The following LATS1 variants were observed in gnomAD, a reference collection of about 807,000 sequenced individuals.
LATS1 encodes serine/threonine-protein kinase LATS1.
A neutral mutation model predicts 106.6 loss-of-function variants in LATS1; 25 were observed. The ratio of observed to expected loss-of-function variants is 0.23; its 90% CI spans 0.17 to 0.33. The LOEUF (loss-of-function observed/expected upper bound fraction) is 0.33. Among genes scored for constraint, LATS1 ranks in the 10% least tolerant of loss-of-function variants. LATS1 has a pLI of 1.00. For missense variants in LATS1, 1,040 were observed against 1,382.6 expected (o/e 0.75, Z 3.93); for synonymous variants, 465 against 455.6 (o/e 1.02, Z -0.26).
At chr6:149,701,639 A>C in intron 2 of LATS1, 140 bp downstream of exon 2, 2 of 559,564 alleles carry the variant, frequency 3.6e-6, no homozygotes. Context: ...TAAACGTAAC[A>C]TTCTTTGCTG....
intron 3 of LATS1, among the ~76,000 whole-genome samples, chr6:149,689,353 G>C (rs1275614112): frequency 6.6e-6 from 1 of 150,862 alleles, no homozygotes; most frequent in Non-Finnish European, 1.5e-5. Flanking sequence ...GGTAGAGGAG[G>C]AGTACGCTCT....
chr6:149,666,687 A>T (rs1398288547), intron 7 of LATS1, among the ~76,000 whole-genome samples: 1 of 151,834 alleles, frequency 6.6e-6, no homozygotes, highest in African/African-American at 2.4e-5. Context: ...TCACGCCTGT[A>T]ATCCCAGCAC....
At chr6:149,668,443 A>ATT (rs199871796) in intron 7 of LATS1, among the ~76,000 whole-genome samples, 2,089 of 146,148 alleles carry the variant, frequency 0.014, 70 homozygotes, top group African/African-American at 0.05. Flanking sequence ...TCTCATCTTG[A>ATT]TTTTTTTTTT....
chr6:149,673,406 T>C (rs946732102), intron 7 of LATS1, among the ~76,000 whole-genome samples: 4 of 151,790 alleles, frequency 2.6e-5, no homozygotes, highest in African/African-American at 9.7e-5. Context: ...GCCCTTTTAT[T>C]TCTTTTCATT....
In LATS1 at chr6:149,662,144, T is replaced by C; in HGVS notation, c.2978A>G (p.Glu993Gly). 6.2e-7 allele frequency: 1 copy of C among 1,614,130 alleles called. No homozygotes were observed. Among genetic ancestry groups the C allele is most frequent in the Non-Finnish European group, 8.5e-7 (1 of 1,180,028 alleles). Residue 993 changes from glutamate (E) to glycine (G), a missense_variant, in exon 8 of 8, where the codon GAA (glutamate) becomes GGA (glycine). Physicochemically the swap from Glu to Gly is moderately conservative, Grantham distance 98. Around this residue, in one of 7 missense-constraint regions of LATS1, gnomAD observed 113 missense variants for 146.3 expected, o/e 0.77. Transcript: ENST00000543571. ...AGCACCATTCTTGCCTAAGCGATCT[T>C]CGGGTCCTCGGCAAAGTTTAATAAT... ...DLIIKLCRGPEDRLGKNGADE... is the reference protein window; with the variant it reads ...DLIIKLCRGPGDRLGKNGADE...
chr6:149,673,503 T>C (rs1781552792), intron 7 of LATS1, among the ~76,000 whole-genome samples: 2 of 151,892 alleles, frequency 1.3e-5, no homozygotes, highest in African/African-American at 4.9e-5. Context: ...GGAGAAAGCA[T>C]ACAATTTTTT....
At chr6:149,704,014 T>C (rs1562353036) in intron 1 of LATS1, among the ~76,000 whole-genome samples, 1 of 152,234 alleles carries the variant, frequency 6.6e-6, no homozygotes. Flanking sequence ...TGCAGTTCTT[T>C]TTTTCTGAGA....
Position 149,661,713 on chromosome 6 carries a change from T to C in LATS1, c.*16A>G. 6.6e-7 allele frequency: 1 copy of C among 1,522,764 alleles called. No homozygotes were observed. The highest frequency in any genetic ancestry group is 8.8e-7 in the Non-Finnish European group (1 of 1,139,348). 94.3% of individuals were successfully genotyped at this position (1,522,764 alleles called of 1,614,324 possible). On this transcript the variant is annotated 3_prime_UTR_variant, in exon 8 of 8. Transcript: ENST00000543571. ...GGCCCTTTTACAAATCCTCATTACA[T>C]TTATTTACTAGTGTGTTAAACATAT...
chr6:149,697,374 G>A (rs1267422443), intron 2 of LATS1, among the ~76,000 whole-genome samples: 3 of 152,034 alleles, frequency 2.0e-5, no homozygotes, highest in East Asian at 1.9e-4. Context: ...CCTCGACCCC[G>A]TTTCCTAGGC....
rs754229886 is a variant in LATS1 at position 149,683,381 on chromosome 6, C to G, written c.1708G>C (p.Val570Leu). The change falls in exon 4 of 8, where the codon GTT (valine) becomes CTT (leucine). Residue 570 changes from valine to leucine, a missense_variant. By Grantham distance (32) the Val-to-Leu change is conservative (BLOSUM62 1). Around this residue, in one of 7 missense-constraint regions of LATS1, gnomAD observed 624 missense variants for 714.8 expected, o/e 0.87. Coordinates refer to ENST00000543571, the MANE Select transcript of LATS1 (RefSeq NM_004690.4). Reference sequence around the variant, plus strand: ...TTACTGATTGACTCGTATGGAGGAACAGATGGGTTTTGGTGCAGCAGATGT... The same window carrying G: ...TTACTGATTGACTCGTATGGAGGAAGAGATGGGTTTTGGTGCAGCAGATGT... ...PKHLLHQNPS[V>L]PPYESISKPS... 29 of 1,614,058 alleles carry G rather than the reference C, an allele frequency of 1.8e-5. No individual in the cohort carries two copies. The highest frequency in any genetic ancestry group is 3.3e-5 in the Admixed American group (2 of 60,000).
At position 149,710,386 on chromosome 6, in the gene LATS1, G is replaced by A. The variant is rs1262178795; in HGVS notation, c.-141+7463C>T. On this transcript the variant is annotated intron_variant, in intron 1 of 7. Transcript: ENST00000543571. ...TATTTGGCTTTCTCTGAGTCGTCCCGAATTGGAAGAAGGCACAAAAATTAG... is the reference window on the plus strand; with the variant it reads ...TATTTGGCTTTCTCTGAGTCGTCCCAAATTGGAAGAAGGCACAAAAATTAG... 4.6e-5 allele frequency among the ~76,000 whole-genome samples: 7 copies of A among 152,162 alleles called. No homozygotes were observed. In the East Asian group the frequency reaches 9.6e-4, roughly 21 times the overall value.
Position 149,702,028 on chromosome 6 carries a change from T to A in LATS1, c.99A>T (p.Glu33Asp). 1 of 1,614,164 alleles carries A rather than the reference T, an allele frequency of 6.2e-7. No individual in the cohort carries two copies. Among genetic ancestry groups the A allele is most frequent in the Non-Finnish European group, 8.5e-7 (1 of 1,180,012 alleles). ...ATAAATTCCTAAGGGATTCCCGAAT[T>A]TCTTGTAACATTTGCCGGCTACTGA... ...YTVSSRQMLQEIRESLRNLSK... is the reference protein window; with the variant it reads ...YTVSSRQMLQDIRESLRNLSK... Residue 33 changes from glutamate (E) to aspartate (D), a missense_variant, in exon 2 of 8, where the codon GAA (glutamate) becomes GAT (aspartate). By Grantham distance (45) the Glu-to-Asp change is conservative. Around this residue, in one of 7 missense-constraint regions of LATS1, gnomAD observed 624 missense variants for 714.8 expected, o/e 0.87. Transcript: ENST00000543571.
In LATS1 at chr6:149,700,733, T is replaced by C. The variant is rs528637742; in HGVS notation, c.348+1046A>G. On this transcript the variant is annotated intron_variant, in intron 2 of 7. Transcript: ENST00000543571. ...ACACTTTTAAATTGTTAACAGAAAATAGGTAATATTTTTGCAATCAGAAAA... is the reference window on the plus strand; with the variant it reads ...ACACTTTTAAATTGTTAACAGAAAACAGGTAATATTTTTGCAATCAGAAAA... 8.2e-4 allele frequency among the ~76,000 whole-genome samples: 97 copies of C among 118,496 alleles called. No individual in the cohort carries two copies. The East Asian group carries it at 0.05, about 61-fold the overall frequency. 77.7% of individuals were successfully genotyped at this position (118,496 alleles called of 152,430 possible).
rs778659833 is a variant in LATS1, at chr6:149,661,739, AC to A, written c.3382del (p.Val1128TyrfsTer15). ...TTATTTACTAGTGTGTTAAACATAT[AC>A]TAGATCGCGATTTTTAATCTCTGAG... ...TGSEIKNRDL[V>X]YV On this transcript the variant is annotated frameshift_variant, in exon 8 of 8. Transcript: ENST00000543571. LOFTEE classifies it high-confidence loss of function. 1.3e-6 allele frequency: 2 copies of A among 1,560,296 alleles called. No individual in the cohort carries two copies.
At position 149,701,915 on chromosome 6, in the gene LATS1, A is replaced by C; in HGVS notation, c.212T>G (p.Phe71Cys). 1.2e-6 allele frequency: 2 copies of C among 1,614,082 alleles called. No homozygotes were observed. The highest frequency in any genetic ancestry group is 1.7e-6 in the Non-Finnish European group (2 of 1,179,994). Residue 71 changes from phenylalanine to cysteine, a missense_variant, in exon 2 of 8, where the codon TTT (phenylalanine) becomes TGT (cysteine). Phe to Cys is a radical substitution (Grantham distance 205). This residue lies in a region of LATS1 where 624 missense variants were observed against 714.8 expected (regional missense o/e 0.87). Transcript: ENST00000543571. ...DPRQVRNPPKFGTHHKALQEI... is the reference protein window; with the variant it reads ...DPRQVRNPPKCGTHHKALQEI... ...CTGCAAGGCTTTATGATGCGTCCCA[A>C]ATTTGGGTGGATTTCTGACTTGTCG...
chr6:149,672,668 G>A (rs550374455), intron 7 of LATS1, among the ~76,000 whole-genome samples: 93 of 151,964 alleles, frequency 6.1e-4, no homozygotes, highest in African/African-American at 2.0e-3. Flanking sequence ...GATTTTGGCC[G>A]GGCGCAGTGG....
chr6:149,666,540 C>T (rs1422280512), intron 7 of LATS1, among the ~76,000 whole-genome samples: 1 of 151,968 alleles, frequency 6.6e-6, no homozygotes, highest in African/African-American at 2.4e-5. Flanking sequence ...ATTGCTTGAA[C>T]CCGGGAGGCG....
At chr6:149,700,583 C>T (rs1190963770) in intron 2 of LATS1, among the ~76,000 whole-genome samples, 1 of 151,762 alleles carries the variant, frequency 6.6e-6, no homozygotes, top group Non-Finnish European at 1.5e-5. Context: ...AAATTAAATA[C>T]AGATATATAT....
chr6:149,694,228 G>C (rs1002093636), intron 3 of LATS1, among the ~76,000 whole-genome samples: 2 of 152,194 alleles, frequency 1.3e-5, no homozygotes, highest in African/African-American at 2.4e-5. Flanking sequence ...TTAGCTATAA[G>C]GGTAATTACT....
Sources: allele counts gnomAD v4.1 joint callset (sites outside exome capture counted in the v4.1 genomes callset), GRCh38; gene constraint gnomAD v4.1.1; regional missense constraint gnomAD v4.1.1; transcripts MANE v1.5; gene names NCBI Gene and HGNC (gene_info 2026-07-23, HGNC 2026-07-21).